The following LRMDA variants were observed in gnomAD, a reference collection of about 807,000 sequenced individuals.
LRMDA encodes the protein leucine-rich melanocyte differentiation-associated protein.
A neutral mutation model predicts 29.8 loss-of-function variants in LRMDA; 18 were observed. The ratio of observed to expected loss-of-function variants is 0.60; its 90% CI spans 0.42 to 0.90. The LOEUF is 0.90. LRMDA is among the 40% of genes least tolerant of loss of function. The pLI is 0.00. For missense variants in LRMDA, 273 were observed against 273.9 expected (o/e 1.00, Z 0.02); for synonymous variants, 125 against 109.4 (o/e 1.14, Z -0.89).
At chr10:76,462,044 G>A (rs1278814385) in intron 6 of LRMDA, among the ~76,000 whole-genome samples, 2 of 127,950 alleles carry the variant, frequency 1.6e-5, no homozygotes, top group Non-Finnish European at 3.2e-5. Flanking sequence ...GAGGACCACA[G>A]AGGGAACTCT....
intron 5 of LRMDA, among the ~76,000 whole-genome samples, chr10:76,228,953 G>A (rs1331937378): frequency 6.6e-6 from 1 of 152,108 alleles, no homozygotes; most frequent in South Asian, 2.1e-4. Context: ...AATAACTAAG[G>A]GAAAGGCAAG....
At chr10:76,338,073 G>GAAA (rs71788669) in intron 6 of LRMDA, among the ~76,000 whole-genome samples, 15,092 of 133,880 alleles carry the variant, frequency 0.11, 868 homozygotes, top group East Asian at 0.29. Flanking sequence ...TCTCCTTATA[G>GAAA]AAAAAAAAAA....
intron 4 of LRMDA, among the ~76,000 whole-genome samples, chr10:76,051,118 AG>A (rs1848524292): frequency 6.6e-6 from 1 of 152,224 alleles, no homozygotes; most frequent in Admixed American, 6.5e-5. Flanking sequence ...AAAGGGAAGG[AG>A]GGAGGGACCC....
intron 6 of LRMDA, among the ~76,000 whole-genome samples, chr10:76,527,524 A>G (rs1482318297): frequency 6.6e-6 from 1 of 152,176 alleles, no homozygotes; most frequent in Non-Finnish European, 1.5e-5. Context: ...CACTGAGTAA[A>G]AACTCATTCT....
At chr10:76,481,724 C>T (rs539586610) in intron 6 of LRMDA, among the ~76,000 whole-genome samples, 2 of 152,002 alleles carry the variant, frequency 1.3e-5, no homozygotes, top group East Asian at 3.9e-4. Flanking sequence ...CAGATTAACT[C>T]ATAAGACCCT....
At chr10:76,344,983 A>G (rs565060189) in intron 6 of LRMDA, among the ~76,000 whole-genome samples, 48 of 151,808 alleles carry the variant, frequency 3.2e-4, no homozygotes, top group Non-Finnish European at 6.8e-4. Flanking sequence ...ATAAAAAGCA[A>G]AAATGGACAA....
chr10:75,674,564 C>A (rs1487373916), intron 2 of LRMDA, among the ~76,000 whole-genome samples: 2 of 152,088 alleles, frequency 1.3e-5, no homozygotes, highest in Non-Finnish European at 1.5e-5. Context: ...ACTGTTTGAG[C>A]CTTCTGCCTT....
At chr10:76,137,422 A>G (rs1055923540) in intron 5 of LRMDA, among the ~76,000 whole-genome samples, 8 of 152,208 alleles carry the variant, frequency 5.3e-5, no homozygotes, top group African/African-American at 1.9e-4. Flanking sequence ...ACGAGGGGCA[A>G]CGATGCTTGT....
At chr10:76,201,821 C>T (rs148747867) in intron 5 of LRMDA, among the ~76,000 whole-genome samples, 102 of 152,318 alleles carry the variant, frequency 6.7e-4, no homozygotes, top group African/African-American at 2.3e-3. Context: ...CTACTCCCCA[C>T]AATTAGTGAC....
Position 76,559,893 on chromosome 10 carries a change from T to A in LRMDA, c.*2605T>A, listed in dbSNP as rs1274078152. ...GCAGCTCTCTGTTGCCTCAGCAATG[T>A]CAGGACGACTGTCTCTTTCCTAAGT... On this transcript the variant is annotated 3_prime_UTR_variant, in exon 7 of 7. Transcript: ENST00000611255. 6.6e-6 allele frequency: 1 copy of A among 152,234 alleles called. No individual in the cohort carries two copies. The highest frequency in any genetic ancestry group is 2.4e-5 in the African/African-American group (1 of 41,462). 9.4% of individuals were successfully genotyped at this position (152,234 alleles called of 1,614,324 possible). A position where few individuals can be genotyped will look rare whatever the true frequency, so the allele number is the denominator to read the frequency against.
intron 2 of LRMDA, among the ~76,000 whole-genome samples, chr10:75,745,963 T>C (rs1184637437): frequency 2.0e-5 from 3 of 152,240 alleles, no homozygotes; most frequent in Non-Finnish European, 1.5e-5. Context: ...TATCACATTA[T>C]CTCAAGGGGT....
intron 5 of LRMDA, among the ~76,000 whole-genome samples, chr10:76,315,926 A>G (rs898067306): frequency 6.6e-6 from 1 of 152,286 alleles, no homozygotes; most frequent in Non-Finnish European, 1.5e-5. Context: ...ACCTGCCTGC[A>G]GAAAGGAGCT....
intron 5 of LRMDA, among the ~76,000 whole-genome samples, chr10:76,307,127 C>G (rs1458448887): frequency 6.6e-6 from 1 of 152,150 alleles, no homozygotes; most frequent in African/African-American, 2.4e-5. Flanking sequence ...CCCTTGCCCA[C>G]CCCTCATGTT....
intron 6 of LRMDA, among the ~76,000 whole-genome samples, chr10:76,473,693 T>C (rs1395059050): frequency 6.6e-6 from 1 of 151,006 alleles, no homozygotes; most frequent in South Asian, 2.1e-4. Context: ...ACAAGACCAA[T>C]GTAGAAACAT....
intron 6 of LRMDA, among the ~76,000 whole-genome samples, chr10:76,362,995 C>G (rs1290958668): frequency 1.3e-5 from 2 of 151,128 alleles, no homozygotes; most frequent in African/African-American, 4.9e-5. Context: ...CTACCTTTAA[C>G]TTCCATGAGC....
intron 2 of LRMDA, among the ~76,000 whole-genome samples, chr10:75,855,183 A>G (rs1844803735): frequency 6.6e-6 from 1 of 152,182 alleles, no homozygotes; most frequent in Non-Finnish European, 1.5e-5. Context: ...CAGTCCCACC[A>G]ACAGTGTAAA....
At chr10:76,295,871 A>G (rs1200891293) in intron 5 of LRMDA, among the ~76,000 whole-genome samples, 6 of 152,082 alleles carry the variant, frequency 3.9e-5, no homozygotes, top group Non-Finnish European at 1.5e-5. Context: ...CTCTTTGCTA[A>G]TCTTCACTCA....
intron 2 of LRMDA, among the ~76,000 whole-genome samples, chr10:75,526,587 T>C (rs1433875777): frequency 6.6e-6 from 1 of 151,794 alleles, no homozygotes; most frequent in East Asian, 2.0e-4. Context: ...GTGTGGTGGC[T>C]CACACCTGTA....
intron 2 of LRMDA, among the ~76,000 whole-genome samples, chr10:75,598,666 G>A (rs1840835602): frequency 6.6e-6 from 1 of 152,094 alleles, no homozygotes; most frequent in Admixed American, 6.5e-5. Context: ...GTCTTTGCTT[G>A]CCTCGCGTAC....
Sources: allele counts gnomAD v4.1 joint callset (sites outside exome capture counted in the v4.1 genomes callset), GRCh38; gene constraint gnomAD v4.1.1; transcripts MANE v1.5; gene names NCBI Gene and HGNC (gene_info 2026-07-23, HGNC 2026-07-21).